The following DCDC2C variants were observed in gnomAD, a reference collection of about 807,000 sequenced individuals.
DCDC2C encodes the protein doublecortin domain-containing protein 2C.
Under a neutral mutation model 45.0 loss-of-function variants are expected in DCDC2C, and 44 were observed. The observed-to-expected ratio is 0.98, with a 90% CI of 0.77 to 1.26. DCDC2C has a LOEUF of 1.26. Among genes scored for constraint, DCDC2C ranks in the 50% most tolerant of loss-of-function variants. The pLI is 0.00. For missense variants in DCDC2C, 447 were observed against 468.9 expected (o/e 0.95, Z 0.43); for synonymous variants, 187 against 178.8 (o/e 1.05, Z -0.37).
At chr2:3,753,664 T>C (rs1228994190) in intron 5 of DCDC2C, among the ~76,000 whole-genome samples, 1 of 152,214 alleles carries the variant, frequency 6.6e-6, no homozygotes, top group Non-Finnish European at 1.5e-5. Flanking sequence ...GTGGCCAGCC[T>C]TCCTCTATCC....
chr2:3,762,405 A>G (rs746101074), intron 6 of DCDC2C, among the ~76,000 whole-genome samples: 4 of 152,188 alleles, frequency 2.6e-5, no homozygotes, highest in Admixed American at 2.0e-4. Context: ...TTACACTGCT[A>G]TAAAGAAATA....
Position 3,801,554 on chromosome 2 carries a change from G to A in DCDC2C, c.1065+16454G>A, listed in dbSNP as rs549488207. On this transcript the variant is annotated intron_variant, in intron 10 of 10. Coordinates refer to ENST00000399143, the MANE Select transcript of DCDC2C (RefSeq NM_001287444.2). ...TCTCTAAAACTGTAACACATCAGTAGAAAAATGACAGTTGTATTTATATGT... is the reference window on the plus strand; with the variant it reads ...TCTCTAAAACTGTAACACATCAGTAAAAAAATGACAGTTGTATTTATATGT... 2.0e-5 allele frequency among the ~76,000 whole-genome samples: 3 copies of A among 152,348 alleles called. No homozygotes were observed. In the South Asian group the frequency reaches 6.2e-4, roughly 32 times the overall value.
chr2:3,830,930 G>A (rs1313202054), intron 10 of DCDC2C, among the ~76,000 whole-genome samples: 2 of 151,928 alleles, frequency 1.3e-5, no homozygotes, highest in South Asian at 4.2e-4. Flanking sequence ...TTCCTGTATG[G>A]CATTTGATTT....
chr2:3,755,530 T>C (rs1041833957), intron 6 of DCDC2C, among the ~76,000 whole-genome samples: 1 of 149,936 alleles, frequency 6.7e-6, no homozygotes, highest in African/African-American at 2.4e-5. Context: ...CATGTGCGTA[T>C]GTATGAATGT....
intron 10 of DCDC2C, among the ~76,000 whole-genome samples, chr2:3,801,678 T>C (rs1229457052): frequency 6.6e-6 from 1 of 152,272 alleles, no homozygotes. Context: ...GCACAGAGCC[T>C]GAGCTTGTGG....
rs1437379173 is a variant in DCDC2C, at chr2:3,767,734, C to G, written c.727-20C>G. 41 of 1,549,950 alleles carry G rather than the reference C, an allele frequency of 2.6e-5. No homozygotes were observed. Among genetic ancestry groups the G allele is most frequent in the Admixed American group, 7.9e-5 (4 of 50,918 alleles). On this transcript the variant is annotated intron_variant, in intron 6 of 10. Transcript: ENST00000399143. Reference sequence around the variant, plus strand: ...TCCCACTGTTCTTAATGGACTTTCTCTTCTTCATTTGTCCTGTAGGTGGAC... The same window carrying G: ...TCCCACTGTTCTTAATGGACTTTCTGTTCTTCATTTGTCCTGTAGGTGGAC...
chr2:3,718,477 C>T (rs1358597965), intron 2 of DCDC2C, among the ~76,000 whole-genome samples: 1 of 152,152 alleles, frequency 6.6e-6, no homozygotes, highest in Non-Finnish European at 1.5e-5. Flanking sequence ...AAGTGTGTGG[C>T]TGTTTCTATC....
chr2:3,753,425 A>G (rs1176890899), intron 5 of DCDC2C, among the ~76,000 whole-genome samples: 3 of 152,200 alleles, frequency 2.0e-5, no homozygotes, highest in Non-Finnish European at 4.4e-5. Flanking sequence ...GGGTGCTGAG[A>G]TGGGTGGTTC....
intron 8 of DCDC2C, among the ~76,000 whole-genome samples, chr2:3,774,620 C>T (rs58218445): frequency 0.14 from 21,461 of 152,110 alleles, 2,438 homozygotes; most frequent in African/African-American, 0.31. Context: ...TGAAAGCTGC[C>T]GCGTGTCTAT....
At chr2:3,793,659 A>G (rs954236786) in intron 10 of DCDC2C, among the ~76,000 whole-genome samples, 1 of 152,248 alleles carries the variant, frequency 6.6e-6, no homozygotes, top group African/African-American at 2.4e-5. Flanking sequence ...TTTCTCTGTT[A>G]CAATAGAAAT....
intron 1 of DCDC2C, among the ~76,000 whole-genome samples, chr2:3,705,201 G>C (rs375282894): frequency 1.3e-5 from 2 of 152,322 alleles, no homozygotes; most frequent in East Asian, 1.9e-4. Context: ...CAAATTCTTA[G>C]TGGCATTTGC....
At chr2:3,798,237 A>C (rs1052545046) in intron 10 of DCDC2C, among the ~76,000 whole-genome samples, 8 of 151,888 alleles carry the variant, frequency 5.3e-5, no homozygotes, top group Non-Finnish European at 1.0e-4. Context: ...ATCTTCCTCC[A>C]TCCTTTTGTT....
At chr2:3,825,482 G>T (rs1328773430) in intron 10 of DCDC2C, among the ~76,000 whole-genome samples, 1 of 152,206 alleles carries the variant, frequency 6.6e-6, no homozygotes, top group Non-Finnish European at 1.5e-5. Flanking sequence ...TTATTGGTAA[G>T]GCAGGAGCTT....
intron 10 of DCDC2C, among the ~76,000 whole-genome samples, chr2:3,813,441 A>G (rs1172271372): frequency 1.3e-5 from 2 of 152,066 alleles, no homozygotes; most frequent in Admixed American, 1.3e-4. Flanking sequence ...TCCAGAGTTG[A>G]GTTCAACTCC....
intron 3 of DCDC2C, among the ~76,000 whole-genome samples, chr2:3,739,706 C>G (rs539901792): frequency 6.6e-6 from 1 of 152,368 alleles, no homozygotes; most frequent in South Asian, 2.1e-4. Context: ...ACTCATTCTC[C>G]AAGCCCACAT....
intron 4 of DCDC2C, among the ~76,000 whole-genome samples, chr2:3,750,816 A>T (rs1425534219): frequency 6.6e-6 from 1 of 150,660 alleles, no homozygotes; most frequent in Non-Finnish European, 1.5e-5. Flanking sequence ...TCCTCCTTCC[A>T]CTCTTACTGT....
chr2:3,739,830 G>T (rs1337976562), intron 3 of DCDC2C, among the ~76,000 whole-genome samples: 1 of 152,198 alleles, frequency 6.6e-6, no homozygotes, highest in Admixed American at 6.5e-5. Flanking sequence ...CTATACAGAC[G>T]GCTAAACTCA....
chr2:3,784,259 T>G (rs956938919), intron 9 of DCDC2C, among the ~76,000 whole-genome samples: 6 of 152,218 alleles, frequency 3.9e-5, no homozygotes, highest in Non-Finnish European at 5.9e-5. Flanking sequence ...GTAGCAATAC[T>G]TCTTATTAGG....
rs1261729940 is a variant in DCDC2C, at chr2:3,717,882, A to G, written c.340-9121A>G. The stretch of plus-strand genomic sequence containing the variant: ...TGTTCCTTCTGCCTTGTTTAACTCA[A>G]CTGACTGTTTTCTGCTTATAATTTA... On this transcript the variant is annotated intron_variant, in intron 2 of 10. Coordinates refer to ENST00000399143, the MANE Select transcript of DCDC2C (RefSeq NM_001287444.2). Among the ~76,000 whole-genome samples, 3 of 152,008 alleles carry G rather than the reference A, an allele frequency of 2.0e-5. No homozygotes were observed. In the East Asian group the frequency reaches 5.8e-4, roughly 29 times the overall value.
Sources: allele counts gnomAD v4.1 joint callset (sites outside exome capture counted in the v4.1 genomes callset), GRCh38; gene constraint gnomAD v4.1.1; transcripts MANE v1.5; gene names NCBI Gene and HGNC (gene_info 2026-07-23, HGNC 2026-07-21).